Variants in GRAMD1B observed in about 807,000 individuals in gnomAD.
The protein encoded by GRAMD1B is GRAM domain containing 1B.
Under a neutral mutation model 99.7 loss-of-function variants are expected in GRAMD1B, and 37 were observed. The ratio of observed to expected loss-of-function variants is 0.37; its 90% confidence interval spans 0.29 to 0.49. GRAMD1B has a LOEUF of 0.49. Among genes scored for constraint, GRAMD1B ranks in the 20% least tolerant of loss-of-function variants. The pLI is 0.98. For synonymous variants in GRAMD1B, 427 were observed against 387.6 expected, an observed-to-expected ratio of 1.10 and a Z score of -1.19; for missense variants, 888 against 1,009.2, an observed-to-expected ratio of 0.88 and a Z score of 1.63.
chr11:123,597,211 C>T (rs1439802690), intron 7 of GRAMD1B, among the ~76,000 whole-genome samples: 4 of 148,162 alleles, frequency 2.7e-5, no homozygotes, highest in Non-Finnish European at 3.0e-5. Flanking sequence ...GATCCTCTAG[C>T]CTCAGCCTCC....
intron 2 of GRAMD1B, among the ~76,000 whole-genome samples, chr11:123,521,301 G>T (rs1942179924): frequency 6.6e-6 from 1 of 152,122 alleles, no homozygotes; most frequent in South Asian, 2.1e-4. Context: ...AGTACTAATG[G>T]ATTGAGCTCC....
intron 1 of GRAMD1B, among the ~76,000 whole-genome samples, chr11:123,476,512 C>T (rs1205464762): frequency 2.0e-5 from 3 of 152,226 alleles, no homozygotes; most frequent in Non-Finnish European, 4.4e-5. Context: ...TACCCTATGC[C>T]TGTTGCCACC....
intron 7 of GRAMD1B, chr11:123,599,110 T>A: frequency 1.2e-6 from 1 of 862,736 alleles, no homozygotes; most frequent in Non-Finnish European, 2.0e-6. Flanking sequence ...TCTCGAGCCT[T>A]CAGGAGCTCC....
intron 1 of GRAMD1B, among the ~76,000 whole-genome samples, chr11:123,383,063 G>C (rs1352098414): frequency 2.0e-5 from 3 of 152,166 alleles, no homozygotes; most frequent in Admixed American, 2.0e-4. Context: ...AAGATGGGGG[G>C]ATCTACTCTA....
rs554269229 is a variant in GRAMD1B at position 123,442,401 on chromosome 11, A to G, written c.374+11235A>G. On this transcript the variant is annotated intron_variant, in intron 1 of 19. Coordinates refer to ENST00000635736, the MANE Select transcript of GRAMD1B (RefSeq NM_001387025.1). Reference sequence around the variant, plus strand: ...AAGGGGTCCCATTCCAGACCCAAAGAGAGTGTTCTTGGATCTTGCACAGGA... The same window carrying G: ...AAGGGGTCCCATTCCAGACCCAAAGGGAGTGTTCTTGGATCTTGCACAGGA... Among the ~76,000 whole-genome samples the G allele has an allele frequency of 5.3e-4, 81 of 152,360 alleles. 1 individual carries two copies. The highest frequency in any genetic ancestry group is 5.3e-3 in the Admixed American group (81 of 15,304).
intron 7 of GRAMD1B, among the ~76,000 whole-genome samples, chr11:123,596,611 G>T (rs1246379343): frequency 2.0e-5 from 3 of 152,212 alleles, no homozygotes; most frequent in Admixed American, 2.0e-4. Flanking sequence ...TCTGCTGAAG[G>T]CCAAGTTTAC....
intron 1 of GRAMD1B, among the ~76,000 whole-genome samples, chr11:123,454,024 G>A (rs182592246): frequency 1.6e-4 from 24 of 152,366 alleles, no homozygotes; most frequent in South Asian, 4.1e-4. Flanking sequence ...AGCAAGGCCA[G>A]GGTAAATACT....
intron 2 of GRAMD1B, among the ~76,000 whole-genome samples, chr11:123,575,063 G>T (rs1291779593): frequency 6.9e-6 from 1 of 144,116 alleles, no homozygotes; most frequent in Non-Finnish European, 1.5e-5. Context: ...GTAGATCTTT[G>T]CATGGTGTGT....
At chr11:123,457,121 G>GAAAGAAAGAAAGAAAGAAAGAAAA (rs200086534) in intron 1 of GRAMD1B, among the ~76,000 whole-genome samples, 1 of 147,976 alleles carries the variant, frequency 6.8e-6, no homozygotes, top group African/African-American at 2.5e-5. Flanking sequence ...GAGAAAAAAA[G>GAAAGAAAGAAAGAAAGAAAGAAAA]AAAGAAAGAA....
chr11:123,367,068 T>C (rs773757371), intron 1 of GRAMD1B, among the ~76,000 whole-genome samples: 14 of 152,130 alleles, frequency 9.2e-5, no homozygotes, highest in Admixed American at 5.2e-4. Flanking sequence ...CCAGGCATGA[T>C]GGCATGCGTC....
intron 1 of GRAMD1B, among the ~76,000 whole-genome samples, chr11:123,402,287 G>A (rs1222840688): frequency 6.6e-6 from 1 of 152,178 alleles, no homozygotes; most frequent in Non-Finnish European, 1.5e-5. Flanking sequence ...AAAGTGCTGG[G>A]ATTACAGGTA....
At chr11:123,398,326 GA>G (rs1367471118) in intron 1 of GRAMD1B, among the ~76,000 whole-genome samples, 2 of 152,228 alleles carry the variant, frequency 1.3e-5, no homozygotes, top group Non-Finnish European at 2.9e-5. Context: ...CATGGCAAGA[GA>G]GCAAGAGCAT....
chr11:123,605,984 G>A (rs2136852273), intron 10 of GRAMD1B, among the ~76,000 whole-genome samples: 1 of 152,304 alleles, frequency 6.6e-6, no homozygotes, highest in African/African-American at 2.4e-5. Flanking sequence ...TGTTAATAGA[G>A]GAGGTAGAAC....
Position 123,619,116 on chromosome 11 carries a change from G to T in GRAMD1B, c.2436G>T (p.Gln812His). The change falls in exon 19 of 20, where the codon CAG (glutamine) becomes CAT (histidine). Residue 812 changes from glutamine to histidine, a missense_variant. This residue lies in a region of GRAMD1B where 232 missense variants were observed against 261.7 expected (regional missense o/e 0.89). Transcript: ENST00000635736. Reference sequence around the variant, plus strand: ...TTCTTCTACCCCACAGGTTACCCCAGTCTCAGACAGAATGGGCCCAGCTCT... The same window carrying T: ...TTCTTCTACCCCACAGGTTACCCCATTCTCAGACAGAATGGGCCCAGCTCT... The part of the protein sequence containing the change: ...QGLRLQERLP[Q>H]SQTEWAQLLE... The T allele has an allele frequency of 6.5e-7, 1 of 1,547,692 alleles. No individual in the cohort carries two copies.
At chr11:123,478,716 A>G (rs1199922427) in intron 1 of GRAMD1B, among the ~76,000 whole-genome samples, 2 of 152,206 alleles carry the variant, frequency 1.3e-5, no homozygotes, top group African/African-American at 2.4e-5. Context: ...TAGGGGGACT[A>G]GGAAGAACCA....
intron 2 of GRAMD1B, among the ~76,000 whole-genome samples, chr11:123,499,484 C>T (rs532267160): frequency 1.3e-5 from 2 of 152,294 alleles, no homozygotes; most frequent in Admixed American, 6.5e-5. Context: ...AATCACCATT[C>T]GGTGGCAAGG....
At chr11:123,382,777 G>T (rs1394992402) in intron 1 of GRAMD1B, among the ~76,000 whole-genome samples, 1 of 152,146 alleles carries the variant, frequency 6.6e-6, no homozygotes, top group Admixed American at 6.5e-5. Context: ...TATCAGCAAA[G>T]GATAAATGGA....
Position 123,605,278 on chromosome 11 carries a change from T to C in GRAMD1B, c.1167-44T>C, listed in dbSNP as rs1202710396. The C allele has an allele frequency of 7.7e-6, 11 of 1,436,132 alleles. No individual in the cohort carries two copies. The Admixed American group carries it at 2.3e-4, about 30-fold the overall frequency. The allele number at this position is 1,436,132 out of a possible 1,614,324, so 89.0% of individuals were successfully genotyped here. A position where few individuals can be genotyped will look rare whatever the true frequency, so the allele number is the denominator to read the frequency against. On this transcript the variant is annotated intron_variant, in intron 9 of 19. Coordinates refer to ENST00000635736, the MANE Select transcript of GRAMD1B (RefSeq NM_001387025.1). The stretch of plus-strand genomic sequence containing the variant: ...AGATTCTTAGAATAGTTGGCCATCT[T>C]GAACCACTGAGGGTAATGTGGACTC...
At chr11:123,450,395 A>G (rs1949834218) in intron 1 of GRAMD1B, among the ~76,000 whole-genome samples, 1 of 152,124 alleles carries the variant, frequency 6.6e-6, no homozygotes, top group African/African-American at 2.4e-5. Flanking sequence ...AATCCAACAA[A>G]CATTTATTGA....
Sources: gnomAD v4.1 joint callset for allele counts (sites outside exome capture counted in the v4.1 genomes callset) on GRCh38, gnomAD v4.1.1 for gene constraint, gnomAD v4.1.1 regional missense constraint, MANE v1.5 for transcripts, NCBI Gene and HGNC (gene_info 2026-07-23, HGNC 2026-07-21) for gene names.